KIDINS220: variants seen among roughly 807,000 people sequenced by gnomAD.
KIDINS220 encodes kinase D interacting substrate 220, also known as kinase D-interacting substrate of 220 kDa.
Under a neutral mutation model 157.6 loss-of-function variants are expected in KIDINS220, and 63 were observed. The ratio of observed to expected loss-of-function variants is 0.40; its 90% CI spans 0.33 to 0.49. The LOEUF (loss-of-function observed/expected upper bound fraction) is 0.49, where lower values mean the gene tolerates loss of function less well. KIDINS220 is among the 20% of genes least tolerant of loss of function. KIDINS220 has a pLI of 0.66. For synonymous variants in KIDINS220, 732 were observed against 783.6 expected (o/e 0.93, Z 1.10); for missense variants, 1,772 against 2,171.2 (o/e 0.82, Z 3.65).
At chr2:8,723,260 TCACTTCCA>T (rs1663068178), downstream of KIDINS220, 1 of 152,260 alleles carries the variant, frequency 6.6e-6, no homozygotes, top group Admixed American at 6.5e-5. Context: ...GCCACATGCG[TCACTTCCA>T]GGCCTGGGCG....
chr2:8,786,093 T>C, intron 16 of KIDINS220, 63 bp from the exon 17 acceptor site: 2 of 1,555,432 alleles, frequency 1.3e-6, no homozygotes, highest in Non-Finnish European at 1.7e-6. Flanking sequence ...CCTAACATTA[T>C]AGTCACAATA....
Position 8,731,245 on chromosome 2 carries a change from G to C in KIDINS220, c.4791C>G (p.His1597Gln). 6.2e-7 allele frequency: 1 copy of C among 1,614,092 alleles called. No homozygotes were observed. The highest frequency in any genetic ancestry group is 8.5e-7 in the Non-Finnish European group (1 of 1,180,026). ...GVRSSESSPN[H>Q]SLHNEVADDS... ...CATCCGCCACTTCATTGTGCAGAGAGTGATTGGGAGAACTTTCACTGGATC... is the reference window on the plus strand; with the variant it reads ...CATCCGCCACTTCATTGTGCAGAGACTGATTGGGAGAACTTTCACTGGATC... Residue 1597 changes from histidine (H) to glutamine (Q), a missense_variant, in exon 30 of 30, where the codon CAC becomes CAG. By Grantham distance (24) the His-to-Gln change is conservative. This residue lies in a region of KIDINS220 where 793 missense variants were observed against 885.5 expected (regional missense o/e 0.90). Transcript: ENST00000256707. This position sits in a 1 kb window ranked among gnomAD's most constrained non-coding sequence, Gnocchi z 5.2.
In KIDINS220 at chr2:8,786,045, A is replaced by G; in HGVS notation, c.1940-15T>C. 1 of 1,589,990 alleles carries G rather than the reference A, an allele frequency of 6.3e-7. No homozygotes were observed. Among genetic ancestry groups the G allele is most frequent in the South Asian group, 1.2e-5 (1 of 86,212 alleles). ...TTTCTTTTTACCTGTAATGCAACAAATGGTTTTAATAATTAACATATCAAG... is the reference window on the plus strand; with the variant it reads ...TTTCTTTTTACCTGTAATGCAACAAGTGGTTTTAATAATTAACATATCAAG... On this transcript the variant is annotated splice_polypyrimidine_tract_variant and intron_variant, in intron 16 of 29. Coordinates refer to ENST00000256707, the MANE Select transcript of KIDINS220 (RefSeq NM_020738.4).
intron 22 of KIDINS220, among the ~76,000 whole-genome samples, chr2:8,769,507 G>C (rs1410430586): frequency 6.6e-6 from 1 of 152,148 alleles, no homozygotes; most frequent in African/African-American, 2.4e-5. Flanking sequence ...GGATAGATGA[G>C]AGTGTCAAGG....
At chr2:8,756,414 G>T (rs11891243) in intron 22 of KIDINS220, among the ~76,000 whole-genome samples, 9,618 of 152,134 alleles carry the variant, frequency 0.063, 969 homozygotes, top group African/African-American at 0.21. Flanking sequence ...ATCCAATCTG[G>T]ATTCTTTTAT....
chr2:8,798,048 C>T (rs537074505), intron 10 of KIDINS220, among the ~76,000 whole-genome samples, 154 bp downstream of exon 10: 17 of 152,274 alleles, frequency 1.1e-4, no homozygotes, highest in African/African-American at 4.1e-4. Flanking sequence ...TACACAAATC[C>T]TGAAAGGATA....
At chr2:8,826,888 G>A in intron 2 of KIDINS220, 98 bp downstream of exon 2, 1 of 617,724 alleles carries the variant, frequency 1.6e-6, no homozygotes, top group Non-Finnish European at 2.9e-6. Context: ...TATTACTAAG[G>A]GTTAGAACTA....
chr2:8,831,743 G>A (rs1378061776), intron 1 of KIDINS220, among the ~76,000 whole-genome samples: 1 of 152,198 alleles, frequency 6.6e-6, no homozygotes, highest in African/African-American at 2.4e-5. Context: ...GAGAAAAGCA[G>A]CCCCTGACTG....
intron 6 of KIDINS220, among the ~76,000 whole-genome samples, chr2:8,808,035 G>A (rs13390180): frequency 0.41 from 62,786 of 151,628 alleles, 15,011 homozygotes; most frequent in East Asian, 0.59. Flanking sequence ...GATGCAGGAC[G>A]ATCACTTAAA....
At chr2:8,827,282 T>A (rs1324578893) in intron 1 of KIDINS220, among the ~76,000 whole-genome samples, 153 bp from the exon 2 acceptor site, 3 of 152,048 alleles carry the variant, frequency 2.0e-5, no homozygotes, top group Non-Finnish European at 4.4e-5. Context: ...AGCTCAGGTG[T>A]CAAAAAGCTG....
rs781573835 is a variant in KIDINS220 at position 8,812,466 on chromosome 2, C to A, written c.433G>T (p.Ala145Ser). 16 of 1,597,022 alleles carry A rather than the reference C, an allele frequency of 1.0e-5. No individual in the cohort carries two copies. The highest frequency in any genetic ancestry group is 1.7e-6 in the Non-Finnish European group (2 of 1,171,564). Reference sequence around the variant, plus strand: ...ACTATATCTGCATGGCCTCTCCCTGCTGCCCAAATGATTGGGTAAACACTG... The same window carrying A: ...ACTATATCTGCATGGCCTCTCCCTGATGCCCAAATGATTGGGTAAACACTG... Reference protein sequence around the residue: ...LYSVYPIIWAAGRGHADIVHL... With the variant: ...LYSVYPIIWASGRGHADIVHL... The change falls in exon 6 of 30, where the codon GCA (alanine) becomes TCA (serine). Residue 145 changes from alanine (A) to serine (S), a missense_variant. Coordinates refer to ENST00000256707, the MANE Select transcript of KIDINS220 (RefSeq NM_020738.4).
intron 2 of KIDINS220, among the ~76,000 whole-genome samples, chr2:8,823,817 C>G (rs1459747866): frequency 6.6e-6 from 1 of 152,038 alleles, no homozygotes; most frequent in East Asian, 1.9e-4. Flanking sequence ...TAACAACCTC[C>G]AATTATAAAT....
At chr2:8,733,718 A>C in intron 28 of KIDINS220, 38 bp from the exon 29 acceptor site, 4 of 1,257,650 alleles carry the variant, frequency 3.2e-6, no homozygotes, top group Non-Finnish European at 4.4e-6. Flanking sequence ...ACACTAACAA[A>C]TCATATTTTA....
chr2:8,762,687 C>T (rs981916231), intron 22 of KIDINS220, among the ~76,000 whole-genome samples: 2 of 151,712 alleles, frequency 1.3e-5, no homozygotes, highest in African/African-American at 2.4e-5. Context: ...TGCAGTGAGC[C>T]GAGATCGCGC....
chr2:8,727,379 G>A (rs1034107659), downstream of KIDINS220: 133 of 491,284 alleles, frequency 2.7e-4, no homozygotes, highest in Non-Finnish European at 3.3e-4. Context: ...CAAGTCACTC[G>A]CCCATGAAGG....
intron 9 of KIDINS220, among the ~76,000 whole-genome samples, chr2:8,799,812 C>T (rs1174298111): frequency 6.6e-6 from 1 of 152,158 alleles, no homozygotes; most frequent in Admixed American, 6.5e-5. Flanking sequence ...ACGCCAAGAA[C>T]TTTTTCTAAA....
chr2:8,742,185 C>G (rs1468629622), intron 26 of KIDINS220, among the ~76,000 whole-genome samples: 1 of 151,892 alleles, frequency 6.6e-6, no homozygotes, highest in Non-Finnish European at 1.5e-5. Context: ...GTGCTGTGAT[C>G]TTGGCACTCA....
chr2:8,826,900 CTATT>C, intron 2 of KIDINS220, 82 bp downstream of exon 2: 1 of 673,032 alleles, frequency 1.5e-6, no homozygotes, highest in South Asian at 1.9e-5. Flanking sequence ...TTAGAACTAC[CTATT>C]TCTTACACAC....
intron 22 of KIDINS220, among the ~76,000 whole-genome samples, chr2:8,763,826 AG>A (rs1251083888): frequency 4.6e-5 from 7 of 152,228 alleles, no homozygotes; most frequent in African/African-American, 1.7e-4. Context: ...TATGGAAAAC[AG>A]TATGGAGATT....
Sources: allele counts gnomAD v4.1 joint callset (sites outside exome capture counted in the v4.1 genomes callset), GRCh38; gene constraint gnomAD v4.1.1; regional missense constraint gnomAD v4.1.1; non-coding constraint Gnocchi (gnomAD v3.1); transcripts MANE v1.5; gene names NCBI Gene and HGNC (gene_info 2026-07-23, HGNC 2026-07-21).